Variants in C10orf67 observed in about 807,000 individuals in gnomAD.
C10orf67 encodes uncharacterized protein C10orf67, mitochondrial.
A neutral mutation model predicts 35.6 loss-of-function variants in C10orf67; 60 were observed. The ratio of observed to expected loss-of-function variants is 1.68; its 90% CI spans 1.37 to 2.09. The LOEUF is 2.09. C10orf67 is among the 30% of genes most tolerant of loss of function. The probability of loss-of-function intolerance (pLI) is 0.00; values close to 1 mark genes in which losing one functional copy is unlikely to be tolerated. For missense variants in C10orf67, 474 were observed against 330.2 expected (o/e 1.44, Z -3.38); for synonymous variants, 167 against 115.8 (o/e 1.44, Z -2.84).
intron 8 of C10orf67, among the ~76,000 whole-genome samples, chr10:23,281,148 T>G (rs747073020): frequency 1.3e-5 from 2 of 152,192 alleles, no homozygotes; most frequent in Non-Finnish European, 2.9e-5. Context: ...CCAAGTTGGT[T>G]TCGTAGAAGG....
chr10:23,323,104 T>C (rs1845023288), intron 2 of C10orf67, among the ~76,000 whole-genome samples: 1 of 152,202 alleles, frequency 6.6e-6, no homozygotes, highest in Non-Finnish European at 1.5e-5. Flanking sequence ...AAGAGTTTCC[T>C]AGCAGTTTCT....
intron 13 of C10orf67, among the ~76,000 whole-genome samples, chr10:23,235,592 A>G (rs1438281735): frequency 6.6e-6 from 1 of 152,184 alleles, no homozygotes; most frequent in Non-Finnish European, 1.5e-5. Context: ...TGGTTGAACA[A>G]TTTGGATGTT....
intron 4 of C10orf67, among the ~76,000 whole-genome samples, chr10:23,320,295 A>C (rs1261875636): frequency 6.6e-6 from 1 of 152,236 alleles, no homozygotes; most frequent in Non-Finnish European, 1.5e-5. Flanking sequence ...GAGTCTAAGA[A>C]AACCACTAAA....
chr10:23,330,199 T>C (rs576831876), intron 2 of C10orf67, among the ~76,000 whole-genome samples: 120 of 152,368 alleles, frequency 7.9e-4, no homozygotes, highest in African/African-American at 2.8e-3. Flanking sequence ...GGCTCATGCC[T>C]GTATTCCCGA....
chr10:23,330,066 T>C (rs1385421593), intron 2 of C10orf67, among the ~76,000 whole-genome samples: 1 of 152,188 alleles, frequency 6.6e-6, no homozygotes, highest in East Asian at 1.9e-4. Context: ...AACCCAGTCA[T>C]ACATGATTTT....
intron 10 of C10orf67, among the ~76,000 whole-genome samples, chr10:23,251,319 T>C (rs763859158): frequency 2.0e-5 from 3 of 152,174 alleles, no homozygotes; most frequent in Non-Finnish European, 2.9e-5. Flanking sequence ...GTAAATTGTG[T>C]TTTCCTTCAC....
At chr10:23,220,791 G>A (rs566294088) in intron 15 of C10orf67, among the ~76,000 whole-genome samples, 3 of 152,250 alleles carry the variant, frequency 2.0e-5, no homozygotes, top group Admixed American at 1.3e-4. Context: ...AGAATATTAT[G>A]TATATCCACT....
At chr10:23,239,452 G>C (rs1171934053) in intron 13 of C10orf67, among the ~76,000 whole-genome samples, 1 of 152,164 alleles carries the variant, frequency 6.6e-6, no homozygotes, top group African/African-American at 2.4e-5. Flanking sequence ...GCTCCAGGCA[G>C]AATGAGTGCC....
chr10:23,231,508 G>A (rs1161311469), intron 13 of C10orf67, among the ~76,000 whole-genome samples: 2 of 152,132 alleles, frequency 1.3e-5, no homozygotes, highest in Middle Eastern at 3.2e-3. Context: ...ATCCTGCCTG[G>A]AGCCACTTGC....
intron 10 of C10orf67, 121 bp downstream of exon 10, chr10:23,266,141 C>T (rs914144076): frequency 1.9e-5 from 7 of 371,254 alleles, no homozygotes; most frequent in African/African-American, 1.9e-4. Flanking sequence ...GCTGGAGCCC[C>T]CCACTCAGGG....
intron 2 of C10orf67, among the ~76,000 whole-genome samples, chr10:23,325,205 T>G (rs1384513526): frequency 6.6e-6 from 1 of 151,892 alleles, no homozygotes; most frequent in Non-Finnish European, 1.5e-5. Context: ...GGCGTGGTGG[T>G]GTGTAGCCTG....
chr10:23,340,002 G>C (rs1845820740), intron 1 of C10orf67, among the ~76,000 whole-genome samples: 1 of 152,044 alleles, frequency 6.6e-6, no homozygotes, highest in African/African-American at 2.4e-5. Flanking sequence ...GTGCTAAGCG[G>C]CTCCTTTTTA....
At chr10:23,217,371 T>A (rs1257977009) in intron 15 of C10orf67, among the ~76,000 whole-genome samples, 2 of 152,320 alleles carry the variant, frequency 1.3e-5, no homozygotes, top group African/African-American at 4.8e-5. Context: ...CAAACTCAGT[T>A]AAGGGTACAC....
chr10:23,335,022 C>T (rs751870665), intron 1 of C10orf67, among the ~76,000 whole-genome samples: 14 of 152,126 alleles, frequency 9.2e-5, no homozygotes, highest in Non-Finnish European at 2.1e-4. Context: ...AACCCCGTCT[C>T]GACTAAAAAT....
chr10:23,344,086 C>A, intron 1 of C10orf67: 1 of 232,096 alleles, frequency 4.3e-6, no homozygotes, highest in African/African-American at 2.5e-5. Flanking sequence ...CATGGCGACT[C>A]CCAGGTAACC....
Position 23,343,611 on chromosome 10 carries a change from C to A in C10orf67, c.206+958G>T, listed in dbSNP as rs113626727. Among the ~76,000 whole-genome samples, 176 of 152,274 alleles carry A rather than the reference C, an allele frequency of 1.2e-3. 1 individual carries two copies. Among genetic ancestry groups the A allele is most frequent in the African/African-American group, 4.1e-3 (172 of 41,552 alleles). On this transcript the variant is annotated intron_variant, in intron 1 of 15. Transcript: ENST00000636213. ...TCATCATTCATGAACGATTATTTCC[C>A]GCTGAGAAAACTGAGGCACAGAGCA...
intron 8 of C10orf67, 38 bp from the exon 9 acceptor site, chr10:23,267,292 G>A (rs1175488716): frequency 1.5e-6 from 1 of 674,652 alleles, no homozygotes; most frequent in Admixed American, 2.5e-5. Context: ...GTTATTATCT[G>A]CAAAGATTAA....
chr10:23,324,444 C>G (rs982881303), intron 2 of C10orf67, among the ~76,000 whole-genome samples: 1 of 152,146 alleles, frequency 6.6e-6, no homozygotes, highest in Non-Finnish European at 1.5e-5. Context: ...TCACCTCTCT[C>G]TCTCTCAAGG....
chr10:23,342,475 G>A (rs1845935390), intron 1 of C10orf67, among the ~76,000 whole-genome samples: 1 of 151,382 alleles, frequency 6.6e-6, no homozygotes. Context: ...CTAGTACTTT[G>A]GGTGAAGAGG....
Sources: allele counts gnomAD v4.1 joint callset (sites outside exome capture counted in the v4.1 genomes callset), GRCh38; gene constraint gnomAD v4.1.1; transcripts MANE v1.5; gene names NCBI Gene and HGNC (gene_info 2026-07-23, HGNC 2026-07-21).